The following SPAG16 variants were observed in gnomAD, a reference collection of about 807,000 sequenced individuals.
SPAG16 encodes sperm-associated antigen 16 protein.
In SPAG16, 86 loss-of-function variants were observed where a neutral mutation model predicts 80.4. That is an observed-to-expected ratio of 1.07 (90% CI 0.90 to 1.28). The LOEUF is 1.28. Among genes scored for constraint, SPAG16 ranks in the 50% most tolerant of loss-of-function variants. The pLI, the probability that SPAG16 is intolerant of heterozygous loss-of-function variation, is 0.00. For missense variants in SPAG16, 870 were observed against 765.3 expected (o/e 1.14, Z -1.61); for synonymous variants, 294 against 265.9 (o/e 1.11, Z -1.03).
At chr2:213,316,982 C>T (rs191069830) in intron 4 of SPAG16, among the ~76,000 whole-genome samples, 9 of 152,062 alleles carry the variant, frequency 5.9e-5, no homozygotes, top group Admixed American at 5.9e-4. Context: ...TAGACCAGTG[C>T]CTGGAACATA....
chr2:214,005,565 T>G (rs2046990809), intron 12 of SPAG16, among the ~76,000 whole-genome samples: 1 of 152,194 alleles, frequency 6.6e-6, no homozygotes, highest in African/African-American at 2.4e-5. Flanking sequence ...AGACACAGAC[T>G]GTGGTGAATC....
chr2:213,865,674 T>G (rs770942271), intron 11 of SPAG16, among the ~76,000 whole-genome samples: 3 of 148,200 alleles, frequency 2.0e-5, no homozygotes, highest in Non-Finnish European at 4.5e-5. Context: ...TGAACTTATA[T>G]ATATATAAAA....
intron 11 of SPAG16, among the ~76,000 whole-genome samples, chr2:213,902,749 C>T (rs12470909): frequency 0.2 from 30,163 of 152,136 alleles, 3,647 homozygotes; most frequent in South Asian, 0.32. Context: ...TCAGCATTAA[C>T]CCAAAAGTCC....
intron 15 of SPAG16, among the ~76,000 whole-genome samples, chr2:214,250,767 G>T (rs1408935227): frequency 2.2e-4 from 31 of 143,978 alleles, no homozygotes; most frequent in East Asian, 1.0e-3. Flanking sequence ...TAGAGAGAGA[G>T]AGAGAGAGAG....
intron 15 of SPAG16, among the ~76,000 whole-genome samples, chr2:214,319,716 CATCTCATATTTGTAACCCCAGAAT>C (rs1450798719): frequency 1.3e-5 from 2 of 152,134 alleles, no homozygotes. Context: ...CTCTTCCTCA[CATCTCATATTTGTAACCCCAGAAT>C]ATCTCATACA....
chr2:214,074,910 G>A (rs80253378), intron 13 of SPAG16, among the ~76,000 whole-genome samples: 1,552 of 152,108 alleles, frequency 0.01, 20 homozygotes, highest in African/African-American at 0.035. Context: ...GATGCAGAGT[G>A]GGAAAAGAAT....
At chr2:214,187,683 A>C (rs75453911) in intron 15 of SPAG16, among the ~76,000 whole-genome samples, 1 of 151,808 alleles carries the variant, frequency 6.6e-6, no homozygotes, top group African/African-American at 2.4e-5. Context: ...AATGTCTGCC[A>C]TAACAAACCT....
chr2:213,406,828 CCT>C (rs2068629806), intron 9 of SPAG16, among the ~76,000 whole-genome samples: 1 of 151,916 alleles, frequency 6.6e-6, no homozygotes, highest in African/African-American at 2.4e-5. Context: ...GACGGTCTCT[CCT>C]CTCTCGTGAG....
At chr2:214,057,391 T>C (rs1037646506) in intron 13 of SPAG16, among the ~76,000 whole-genome samples, 2 of 152,150 alleles carry the variant, frequency 1.3e-5, no homozygotes, top group Non-Finnish European at 2.9e-5. Flanking sequence ...ACCTGGTTCA[T>C]TGTCAATGAA....
intron 6 of SPAG16, among the ~76,000 whole-genome samples, chr2:213,344,876 AATCCTTTGGGTATAT>A (rs1328223856): frequency 2.0e-5 from 3 of 152,218 alleles, no homozygotes; most frequent in Non-Finnish European, 2.9e-5. Flanking sequence ...CATGATTTAT[AATCCTTTGGGTATAT>A]ACCCAGTAAT....
intron 11 of SPAG16, among the ~76,000 whole-genome samples, chr2:213,865,112 A>G (rs1030036018): frequency 2.6e-5 from 4 of 152,092 alleles, no homozygotes; most frequent in Non-Finnish European, 4.4e-5. Flanking sequence ...TAGTGGAATT[A>G]GAAGAATTAA....
intron 10 of SPAG16, among the ~76,000 whole-genome samples, chr2:213,545,610 T>G (rs548134688): frequency 6.6e-6 from 1 of 152,254 alleles, no homozygotes; most frequent in Admixed American, 6.5e-5. Flanking sequence ...CATTGAAACG[T>G]GATCAATTAT....
intron 12 of SPAG16, among the ~76,000 whole-genome samples, chr2:213,971,436 A>T (rs959635998): frequency 6.6e-6 from 1 of 152,194 alleles, no homozygotes; most frequent in Non-Finnish European, 1.5e-5. Context: ...GATTATATAA[A>T]TACAACATAT....
At chr2:213,921,360 G>GTTT (rs1284655880) in intron 11 of SPAG16, among the ~76,000 whole-genome samples, 1 of 152,112 alleles carries the variant, frequency 6.6e-6, no homozygotes, top group Non-Finnish European at 1.5e-5. Flanking sequence ...TGTTGTTGTT[G>GTTT]TTGTTGTGGT....
At chr2:213,878,193 C>A (rs987196407) in intron 11 of SPAG16, among the ~76,000 whole-genome samples, 2 of 152,006 alleles carry the variant, frequency 1.3e-5, no homozygotes, top group Non-Finnish European at 2.9e-5. Flanking sequence ...TGGGTAGATA[C>A]CTAGTAGTGA....
At position 213,306,540 on chromosome 2, in the gene SPAG16, A is replaced by G. The variant is rs577084983; in HGVS notation, c.280-3519A>G. ...ATAACTTGCCAAAGAATTACAGTCC[A>G]TGTGGTGTAGACTGCCTTTCAAGTT... On this transcript the variant is annotated intron_variant, in intron 3 of 15. Coordinates refer to ENST00000331683, the MANE Select transcript of SPAG16 (RefSeq NM_024532.5). Among the ~76,000 whole-genome samples the G allele has an allele frequency of 8.0e-5, 12 of 149,990 alleles. 1 individual carries two copies. The South Asian group carries it at 2.6e-3, about 32-fold the overall frequency.
rs548153322 is a variant in SPAG16, at chr2:214,034,715, C to T, written c.1527+20638C>T. Among the ~76,000 whole-genome samples, 880 of 152,244 alleles carry T rather than the reference C, an allele frequency of 5.8e-3. 13 individuals are homozygous for T. The highest frequency in any genetic ancestry group is 0.02 in the African/African-American group (819 of 41,554). On this transcript the variant is annotated intron_variant, in intron 13 of 15. Transcript: ENST00000331683. The stretch of plus-strand genomic sequence containing the variant: ...CCACAGCTGGCACCAGGGAATGCTG[C>T]AGCACCTGGAAGCTTTAAGATGCCA...
intron 15 of SPAG16, among the ~76,000 whole-genome samples, chr2:214,225,591 A>G (rs2058681768): frequency 6.6e-6 from 1 of 152,198 alleles, no homozygotes; most frequent in Non-Finnish European, 1.5e-5. Flanking sequence ...CAAAAACACA[A>G]TAATCACAAA....
intron 9 of SPAG16, among the ~76,000 whole-genome samples, chr2:213,376,653 A>G (rs2066897141): frequency 6.6e-6 from 1 of 152,044 alleles, no homozygotes; most frequent in African/African-American, 2.4e-5. Context: ...CGTAACAAAG[A>G]GGCATTTAGA....
Sources: allele counts gnomAD v4.1 joint callset (sites outside exome capture counted in the v4.1 genomes callset), GRCh38; gene constraint gnomAD v4.1.1; transcripts MANE v1.5; gene names NCBI Gene and HGNC (gene_info 2026-07-23, HGNC 2026-07-21).